SNX18: variants seen among roughly 807,000 people sequenced by gnomAD.
SNX18 encodes the protein sorting nexin-18.
In SNX18, 35 loss-of-function variants were observed where a neutral mutation model predicts 48.7. That is an observed-to-expected ratio of 0.72 (90% CI 0.55 to 0.95). The LOEUF (loss-of-function observed/expected upper bound fraction) is 0.95. Among genes scored for constraint, SNX18 ranks in the 40% least tolerant of loss-of-function variants. The probability of loss-of-function intolerance (pLI) is 0.00; values close to 1 mark genes in which losing one functional copy is unlikely to be tolerated. For missense variants in SNX18, 824 were observed against 871.0 expected, an observed-to-expected ratio of 0.95 and a Z score of 0.68; for synonymous variants, 492 against 384.7, an observed-to-expected ratio of 1.28 and a Z score of -3.26.
Position 54,518,158 on chromosome 5 carries a change from ACGG to A in SNX18, c.211_213del (p.Gly71del). 7.2e-7 allele frequency: 1 copy of A among 1,389,324 alleles called. No individual in the cohort carries two copies. The highest frequency in any genetic ancestry group is 3.1e-5 in the East Asian group (1 of 32,512). 86.1% of individuals were successfully genotyped at this position (1,389,324 alleles called of 1,614,324 possible). On this transcript the variant is annotated inframe_deletion, in exon 1 of 2. Transcript: ENST00000381410. ...GCCCCCGAGCCTGGCCCGGCGGGAG[ACGG>A]CGGCCCGGGCGCCCCGGCCCGCTAC...
chr5:54,519,789 T>C, intron 1 of SNX18: 1 of 1,613,772 alleles, frequency 6.2e-7, no homozygotes. Flanking sequence ...GAATGAGTAC[T>C]CTTTCTCGAA....
the SNX18 span, among the ~76,000 whole-genome samples, chr5:54,568,810 A>G: frequency 1.5e-4 from 23 of 151,438 alleles, no homozygotes; most frequent in Non-Finnish European, 3.1e-4. Flanking sequence ...AACTGGAAGC[A>G]CAACCACTAT....
At position 54,518,932 on chromosome 5, in the gene SNX18, TC is replaced by T; in HGVS notation, c.983del (p.Pro328ArgfsTer29). On this transcript the variant is annotated frameshift_variant, in exon 1 of 2. Coordinates refer to ENST00000381410, the MANE Select transcript of SNX18 (RefSeq NM_001102575.2). LOFTEE classifies it high-confidence loss of function. ...DWLYARLAEK[F>X]PVISVPHLPE... ...CTGTACGCGCGCCTGGCGGAGAAGT[TC>T]CCGGTCATCTCCGTGCCCCACCTGC... 6.2e-7 allele frequency: 1 copy of T among 1,613,766 alleles called. No individual in the cohort carries two copies. Among genetic ancestry groups the T allele is most frequent in the Non-Finnish European group, 8.5e-7 (1 of 1,180,020 alleles).
At chr5:54,632,119 G>A in the SNX18 span, among the ~76,000 whole-genome samples, 1 of 152,198 alleles carries the variant, frequency 6.6e-6, no homozygotes, top group Non-Finnish European at 1.5e-5. Context: ...GGAAGATGCT[G>A]GTTCCTGGTC....
chr5:54,644,546 T>G, the SNX18 span: 1 of 152,338 alleles, frequency 6.6e-6, no homozygotes, highest in African/African-American at 2.4e-5. Context: ...CAGCAACATA[T>G]TCCCAACAGG....
At chr5:54,606,221 G>A in the SNX18 span, among the ~76,000 whole-genome samples, 2 of 152,140 alleles carry the variant, frequency 1.3e-5, no homozygotes, top group African/African-American at 4.8e-5. Flanking sequence ...TATTGTTAAG[G>A]AACATTTCAT....
the SNX18 span, among the ~76,000 whole-genome samples, chr5:54,611,225 C>A: frequency 6.6e-6 from 1 of 152,084 alleles, no homozygotes; most frequent in Non-Finnish European, 1.5e-5. Context: ...TTAAACATAT[C>A]ACTTCCTTCT....
the SNX18 span, among the ~76,000 whole-genome samples, chr5:54,639,467 C>T: frequency 1.3e-5 from 2 of 152,162 alleles, no homozygotes; most frequent in Non-Finnish European, 2.9e-5. Context: ...ATGTCACTTC[C>T]AGTTCTTGCC....
the SNX18 span, among the ~76,000 whole-genome samples, chr5:54,554,551 T>G: frequency 3.9e-5 from 6 of 152,230 alleles, no homozygotes; most frequent in Non-Finnish European, 8.8e-5. Flanking sequence ...ACGTTCATTA[T>G]ATGAATTAAA....
the SNX18 span, among the ~76,000 whole-genome samples, chr5:54,593,185 G>A: frequency 6.6e-6 from 1 of 152,138 alleles, no homozygotes; most frequent in African/African-American, 2.4e-5. Context: ...AGTGAAAGTT[G>A]CAATTTTCTC....
chr5:54,593,833 A>G, the SNX18 span, among the ~76,000 whole-genome samples: 1 of 152,256 alleles, frequency 6.6e-6, no homozygotes, highest in African/African-American at 2.4e-5. Context: ...GGATATCTAC[A>G]TAGGAAAAAA....
Position 54,534,544 on chromosome 5 carries a change from C to A in SNX18, c.1622-8635C>A, listed in dbSNP as rs192602741. Among the ~76,000 whole-genome samples the A allele has an allele frequency of 3.0e-3, 464 of 152,152 alleles. 3 individuals carry two copies. Among genetic ancestry groups the A allele is most frequent in the African/African-American group, 0.011 (454 of 41,512 alleles). ...CCTGGTTAAAATGGCTGAGGCAGTA[C>A]AGTGTATGAGGGCTTTTTTTTCTTT... is the stretch of plus-strand genomic sequence containing the variant. On this transcript the variant is annotated intron_variant, in intron 1 of 1. Transcript: ENST00000381410.
chr5:54,644,424 G>T, the SNX18 span: 1 of 152,186 alleles, frequency 6.6e-6, no homozygotes, highest in South Asian at 2.1e-4. Context: ...TACTAACCAC[G>T]GGTGAGTAAC....
the SNX18 span, among the ~76,000 whole-genome samples, chr5:54,582,223 T>C: frequency 6.6e-6 from 1 of 152,242 alleles, no homozygotes; most frequent in Non-Finnish European, 1.5e-5. Context: ...TTGGCTAGTA[T>C]AGGCCCCTGG....
the SNX18 span, among the ~76,000 whole-genome samples, chr5:54,576,771 GTGTT>G: frequency 5.0e-3 from 637 of 128,498 alleles, 9 homozygotes; most frequent in African/African-American, 0.015. Flanking sequence ...GCAAGTAGCT[GTGTT>G]TGTTTGTTTG....
chr5:54,635,755 T>C, the SNX18 span, among the ~76,000 whole-genome samples: 1 of 152,216 alleles, frequency 6.6e-6, no homozygotes, highest in African/African-American at 2.4e-5. Flanking sequence ...CAGGGCCCCA[T>C]GCTCAGAGGG....
chr5:54,540,005 G>T (rs1318620627), intron 1 of SNX18, among the ~76,000 whole-genome samples: 1 of 151,834 alleles, frequency 6.6e-6, no homozygotes, highest in East Asian at 1.9e-4. Flanking sequence ...CCGGGTACTT[G>T]GGATTACAGG....
the SNX18 span, among the ~76,000 whole-genome samples, chr5:54,581,420 C>G: frequency 1.3e-5 from 2 of 152,040 alleles, no homozygotes; most frequent in South Asian, 2.1e-4. Context: ...CAGAACTACA[C>G]AAGCAGAAAT....
the SNX18 span, among the ~76,000 whole-genome samples, chr5:54,565,362 C>A: frequency 2.6e-5 from 4 of 152,046 alleles, no homozygotes; most frequent in African/African-American, 7.2e-5. Context: ...TTGCTTGAGG[C>A]CAGGAGTTTG....
Sources: allele counts gnomAD v4.1 joint callset (sites outside exome capture counted in the v4.1 genomes callset), GRCh38; gene constraint gnomAD v4.1.1; transcripts MANE v1.5; gene names NCBI Gene and HGNC (gene_info 2026-07-23, HGNC 2026-07-21).